PCDHGB7: variants seen among roughly 807,000 people sequenced by gnomAD.
PCDHGB7 encodes protocadherin gamma-B7.
A neutral mutation model predicts 61.4 loss-of-function variants in PCDHGB7; 37 were observed. The observed-to-expected ratio is 0.60, with a 90% CI of 0.46 to 0.79. The LOEUF (loss-of-function observed/expected upper bound fraction) is 0.79. Among genes scored for constraint, PCDHGB7 ranks in the 30% least tolerant of loss-of-function variants. The pLI, the probability that PCDHGB7 is intolerant of heterozygous loss-of-function variation, is 0.00. For missense variants in PCDHGB7, 1,166 were observed against 1,202.5 expected, an observed-to-expected ratio of 0.97 and a Z score of 0.45; for synonymous variants, 464 against 503.5, an observed-to-expected ratio of 0.92 and a Z score of 1.05.
intron 1 of PCDHGB7, among the ~76,000 whole-genome samples, chr5:141,459,160 T>C (rs1330588092): frequency 6.6e-6 from 1 of 152,228 alleles, no homozygotes; most frequent in African/African-American, 2.4e-5. Context: ...AGAACATTTC[T>C]ATAACCTTCA....
intron 1 of PCDHGB7, among the ~76,000 whole-genome samples, chr5:141,471,737 A>G (rs2099263581): frequency 6.6e-6 from 1 of 152,232 alleles, no homozygotes; most frequent in Non-Finnish European, 1.5e-5. Context: ...AAGGTTGGAG[A>G]CATAACATAT....
At position 141,486,045 on chromosome 5, in the gene PCDHGB7, A is replaced by G. The variant is rs2099623524; in HGVS notation, c.2416-8762A>G. The G allele has an allele frequency of 4.3e-6, 7 of 1,613,428 alleles. No individual in the cohort carries two copies. The highest frequency in any genetic ancestry group is 5.1e-6 in the Non-Finnish European group (6 of 1,179,858). ...GGTCATACCCCTGATCGTGTAAGAA[A>G]CCTCTTTAGCCTGCACCCCACTACT... On this transcript the variant is annotated intron_variant, in intron 1 of 3. Coordinates refer to ENST00000398594, the MANE Select transcript of PCDHGB7 (RefSeq NM_018927.4). This position sits in a 1 kb window ranked among gnomAD's most constrained non-coding sequence, Gnocchi z 5.0.
chr5:141,472,200 C>A (rs2099274166), intron 1 of PCDHGB7, among the ~76,000 whole-genome samples: 1 of 152,110 alleles, frequency 6.6e-6, no homozygotes, highest in Non-Finnish European at 1.5e-5. Flanking sequence ...ATCTTTTTGA[C>A]ACTAAGACCT....
intron 1 of PCDHGB7, chr5:141,424,160 CATCT>C (rs1554117117): frequency 1.5e-5 from 4 of 273,202 alleles, no homozygotes; most frequent in South Asian, 1.4e-4. Flanking sequence ...CTCTCCTTCT[CATCT>C]ATCTATCTAT....
rs772884830 is a variant in PCDHGB7 at position 141,491,791 on chromosome 5, C to T, written c.2416-3016C>T. ...TAAGGGATTGAACTTGCATCCACTCCTCTCCGGCCGGCTTGGTCGCTGGCT... is the reference window on the plus strand; with the variant it reads ...TAAGGGATTGAACTTGCATCCACTCTTCTCCGGCCGGCTTGGTCGCTGGCT... On this transcript the variant is annotated intron_variant, in intron 1 of 3. Coordinates refer to ENST00000398594, the MANE Select transcript of PCDHGB7 (RefSeq NM_018927.4). This position sits in a 1 kb window ranked among gnomAD's most constrained non-coding sequence, Gnocchi z 6.9. The T allele has an allele frequency of 3.3e-6, 5 of 1,518,376 alleles. No homozygotes were observed. In the African/African-American group the frequency reaches 4.2e-5, roughly 13 times the overall value. The allele number at this position is 1,518,376 out of a possible 1,614,324, so 94.1% of individuals were successfully genotyped here.
At chr5:141,421,979 G>A in intron 1 of PCDHGB7, 1 of 1,609,702 alleles carries the variant, frequency 6.2e-7, no homozygotes, top group Non-Finnish European at 8.5e-7. Context: ...TATCGCGTGA[G>A]TGTTCCAGAA....
At chr5:141,499,606 C>T (rs2099792968) in intron 2 of PCDHGB7, among the ~76,000 whole-genome samples, 1 of 152,028 alleles carries the variant, frequency 6.6e-6, no homozygotes, top group African/African-American at 2.4e-5. Context: ...TATCCCTACC[C>T]TTATCCTGTC....
intron 1 of PCDHGB7, chr5:141,441,037 A>G (rs1318122240): frequency 6.6e-6 from 1 of 152,194 alleles, no homozygotes; most frequent in Admixed American, 6.5e-5. Context: ...GAAAACTTTA[A>G]GTACATTGGA....
Position 141,511,015 on chromosome 5 carries a change from C to A in PCDHGB7, c.2632C>A (p.Pro878Thr). Residue 878 changes from proline (P) to threonine (T), a missense_variant, in exon 4 of 4, where the codon CCC becomes ACC. Coordinates refer to ENST00000398594, the MANE Select transcript of PCDHGB7 (RefSeq NM_018927.4). ...GTMGLSARYG[P>T]QFTLQHVPDY... ...CATGGGATTGAGCGCCCGCTACGGA[C>A]CCCAGTTCACCCTGCAGCACGTGCC... 6.2e-7 allele frequency: 1 copy of A among 1,614,224 alleles called. No individual in the cohort carries two copies. The highest frequency in any genetic ancestry group is 8.5e-7 in the Non-Finnish European group (1 of 1,180,038).
chr5:141,426,085 C>T (rs1315114723), intron 1 of PCDHGB7, among the ~76,000 whole-genome samples: 7 of 152,148 alleles, frequency 4.6e-5, no homozygotes, highest in Non-Finnish European at 8.8e-5. Flanking sequence ...TCTACCAGGA[C>T]GATATTCTGT....
intron 1 of PCDHGB7, chr5:141,442,367 T>C (rs1304138950): frequency 6.6e-6 from 1 of 152,282 alleles, no homozygotes; most frequent in Non-Finnish European, 1.5e-5. Flanking sequence ...TATGATGCCA[T>C]ATTCCTACCA....
intron 1 of PCDHGB7, among the ~76,000 whole-genome samples, chr5:141,462,783 T>C (rs1313584666): frequency 6.6e-6 from 1 of 152,236 alleles, no homozygotes; most frequent in Non-Finnish European, 1.5e-5. Flanking sequence ...CATAATTTGT[T>C]GCTTATTTGC....
intron 1 of PCDHGB7, among the ~76,000 whole-genome samples, chr5:141,469,882 G>A (rs760102003): frequency 2.6e-5 from 4 of 152,280 alleles, no homozygotes; most frequent in Non-Finnish European, 4.4e-5. Context: ...TGTAATCTCG[G>A]CACTTTGGGA....
Position 141,475,871 on chromosome 5 carries a change from A to C in PCDHGB7, c.2416-18936A>C, listed in dbSNP as rs568810142. 35 of 513,270 alleles carry C rather than the reference A, an allele frequency of 6.8e-5. No individual in the cohort carries two copies. The East Asian group carries it at 1.1e-3, about 16-fold the overall frequency. The allele number at this position is 513,270 out of a possible 1,614,324, so 31.8% of individuals were successfully genotyped here. The stretch of plus-strand genomic sequence containing the variant: ...CCCGGCGCTAGCTCATTCTTCGTGC[A>C]GTTATTGGCTGGGACTCTGTGTGCC... On this transcript the variant is annotated intron_variant, in intron 1 of 3. Transcript: ENST00000398594.
intron 1 of PCDHGB7, among the ~76,000 whole-genome samples, chr5:141,444,006 G>T (rs1279816416): frequency 2.0e-5 from 3 of 152,012 alleles, no homozygotes; most frequent in Non-Finnish European, 4.4e-5. Flanking sequence ...TGCTACCTGG[G>T]TATTGGCTTC....
chr5:141,430,413 A>G lies in PCDHGB7; in HGVS notation c.2415+10139A>G, dbSNP rs1437560579. ...AAAAAAAAAGCTCACTAAAGTTTCTATTAAAGCGAATACGGTAGATTTCCA... is the reference window on the plus strand; with the variant it reads ...AAAAAAAAAGCTCACTAAAGTTTCTGTTAAAGCGAATACGGTAGATTTCCA... On this transcript the variant is annotated intron_variant, in intron 1 of 3. Coordinates refer to ENST00000398594, the MANE Select transcript of PCDHGB7 (RefSeq NM_018927.4). Among the ~76,000 whole-genome samples the G allele has an allele frequency of 2.0e-5, 3 of 151,870 alleles. No homozygotes were observed. In the South Asian group the frequency reaches 6.2e-4, roughly 31 times the overall value.
chr5:141,419,756 G>C lies in PCDHGB7; in HGVS notation c.1897G>C (p.Gly633Arg), dbSNP rs1006926516. ...TGEVRMVRAL[G>R]DKDSVRQRLL... Reference sequence around the variant, plus strand: ...CGAGGTGCGCATGGTGCGTGCTTTGGGTGACAAGGACTCGGTCCGCCAGCG... The same window carrying C: ...CGAGGTGCGCATGGTGCGTGCTTTGCGTGACAAGGACTCGGTCCGCCAGCG... Residue 633 changes from glycine to arginine, a missense_variant, in exon 1 of 4, where the codon GGT (glycine) becomes CGT (arginine). Coordinates refer to ENST00000398594, the MANE Select transcript of PCDHGB7 (RefSeq NM_018927.4). 10 of 1,613,890 alleles carry C rather than the reference G, an allele frequency of 6.2e-6. No individual in the cohort carries two copies. The highest frequency in any genetic ancestry group is 1.7e-5 in the Admixed American group (1 of 60,008).
intron 1 of PCDHGB7, among the ~76,000 whole-genome samples, chr5:141,437,036 G>A (rs916860661): frequency 6.6e-6 from 1 of 152,294 alleles, no homozygotes; most frequent in Middle Eastern, 3.4e-3. Flanking sequence ...ATGGATCACC[G>A]AAACCAGAAG....
At chr5:141,478,269 A>G in intron 1 of PCDHGB7, 1 of 1,614,146 alleles carries the variant, frequency 6.2e-7, no homozygotes, top group Non-Finnish European at 8.5e-7. Flanking sequence ...TTCAAAGTTT[A>G]CAAGTGGAAG....
Sources: gnomAD v4.1 joint callset for allele counts (sites outside exome capture counted in the v4.1 genomes callset) on GRCh38, gnomAD v4.1.1 for gene constraint, Gnocchi (gnomAD v3.1) non-coding constraint, MANE v1.5 for transcripts, NCBI Gene and HGNC (gene_info 2026-07-23, HGNC 2026-07-21) for gene names.